Variants in AGBL1 observed in about 807,000 individuals in gnomAD.
The protein encoded by AGBL1 is cytosolic carboxypeptidase 4.
In AGBL1, 130 loss-of-function variants were observed where a neutral mutation model predicts 118.9. The ratio of observed to expected loss-of-function variants is 1.09; its 90% CI spans 0.95 to 1.26. AGBL1 has a LOEUF of 1.26. Among genes scored for constraint, AGBL1 ranks in the 50% most tolerant of loss-of-function variants. The probability of loss-of-function intolerance (pLI) is 0.00; values close to 1 mark genes in which losing one functional copy is unlikely to be tolerated. For synonymous variants in AGBL1, 555 were observed against 478.9 expected (o/e 1.16, Z -2.08); for missense variants, 1,584 against 1,298.1 (o/e 1.22, Z -3.38).
At chr15:86,828,964 T>G (rs2079069009) in intron 22 of AGBL1, among the ~76,000 whole-genome samples, 1 of 147,998 alleles carries the variant, frequency 6.8e-6, no homozygotes, top group Admixed American at 6.8e-5. Flanking sequence ...TATGGTATAA[T>G]AAATATTATA....
chr15:86,669,011 T>C (rs906814765), intron 21 of AGBL1, among the ~76,000 whole-genome samples: 1 of 152,136 alleles, frequency 6.6e-6, no homozygotes, highest in Admixed American at 6.6e-5. Context: ...TCCTGATTGG[T>C]AGTGTCCTCA....
intron 5 of AGBL1, among the ~76,000 whole-genome samples, chr15:86,174,673 A>G (rs2077458254): frequency 6.6e-6 from 1 of 150,784 alleles, no homozygotes; most frequent in Non-Finnish European, 1.5e-5. Flanking sequence ...TGTTTCTACT[A>G]TGCCTAATTT....
chr15:86,769,796 T>C (rs537026074), intron 22 of AGBL1, among the ~76,000 whole-genome samples: 4 of 151,986 alleles, frequency 2.6e-5, no homozygotes, highest in Admixed American at 6.6e-5. Flanking sequence ...AGAGACATGT[T>C]TGGGATGAGT....
rs1243791942 is a variant in AGBL1, at chr15:86,586,915, C to T, written c.2994+32378C>T. Among the ~76,000 whole-genome samples the T allele has an allele frequency of 1.2e-4, 18 of 151,954 alleles. 1 individual carries two copies. The highest frequency in any genetic ancestry group is 1.2e-3 in the Admixed American group (18 of 15,250). On this transcript the variant is annotated intron_variant, in intron 21 of 22. Transcript: ENST00000614907. Reference sequence around the variant, plus strand: ...TGTTAGAGTCTGGTTGAAAAGTAGGCCACAATATACTGGGTCAAAAAAGAC... The same window carrying T: ...TGTTAGAGTCTGGTTGAAAAGTAGGTCACAATATACTGGGTCAAAAAAGAC...
chr15:86,833,235 G>A (rs1003969173), intron 22 of AGBL1, among the ~76,000 whole-genome samples: 8 of 152,044 alleles, frequency 5.3e-5, no homozygotes, highest in African/African-American at 1.7e-4. Flanking sequence ...AAAAGAGTAT[G>A]TCCTTGGGCA....
intron 23 of AGBL1, among the ~76,000 whole-genome samples, chr15:86,929,796 C>A (rs2080583851): frequency 6.6e-6 from 1 of 152,190 alleles, no homozygotes; most frequent in Non-Finnish European, 1.5e-5. Flanking sequence ...CATTGACATT[C>A]ATCACTGGCA....
At chr15:86,135,554 A>G (rs962040111) in intron 1 of AGBL1, among the ~76,000 whole-genome samples, 1 of 152,226 alleles carries the variant, frequency 6.6e-6, no homozygotes, top group African/African-American at 2.4e-5. Flanking sequence ...CATCGAGAAC[A>G]GAATGACAAG....
At chr15:86,352,669 A>G (rs1179258642) in intron 17 of AGBL1, among the ~76,000 whole-genome samples, 10 of 151,924 alleles carry the variant, frequency 6.6e-5, no homozygotes, top group Admixed American at 6.6e-4. Context: ...TTTAGTAGAG[A>G]TGGGGTTTCA....
At chr15:87,008,261 G>A (rs896503400) in intron 24 of AGBL1, among the ~76,000 whole-genome samples, 3 of 152,176 alleles carry the variant, frequency 2.0e-5, no homozygotes, top group Non-Finnish European at 2.9e-5. Flanking sequence ...CCAGTGGGAG[G>A]TGATTGAATC....
chr15:86,452,441 A>C (rs918923808), intron 18 of AGBL1, among the ~76,000 whole-genome samples: 1 of 152,060 alleles, frequency 6.6e-6, no homozygotes. Context: ...CTGTAATGTA[A>C]TTTCCATTTA....
chr15:86,925,842 T>C (rs1411903861), intron 23 of AGBL1, among the ~76,000 whole-genome samples: 1 of 151,906 alleles, frequency 6.6e-6, no homozygotes, highest in African/African-American at 2.4e-5. Context: ...GCCATTCTCC[T>C]GTCTTAGCCT....
At chr15:86,712,612 A>G (rs981039592) in intron 22 of AGBL1, among the ~76,000 whole-genome samples, 1 of 152,196 alleles carries the variant, frequency 6.6e-6, no homozygotes, top group Non-Finnish European at 1.5e-5. Flanking sequence ...GAACATTTAC[A>G]TTTTGGATTC....
At chr15:86,179,162 T>C (rs183216635) in intron 5 of AGBL1, among the ~76,000 whole-genome samples, 121 of 152,306 alleles carry the variant, frequency 7.9e-4, no homozygotes, top group African/African-American at 2.7e-3. Flanking sequence ...CTAAGGCCAG[T>C]TCCTGGAATT....
intron 22 of AGBL1, among the ~76,000 whole-genome samples, chr15:86,886,668 G>A (rs754858189): frequency 2.0e-5 from 3 of 152,116 alleles, no homozygotes; most frequent in Non-Finnish European, 2.9e-5. Context: ...CATGATCATG[G>A]ATGTTTTTAT....
At chr15:86,189,155 G>T (rs751774344) in intron 5 of AGBL1, among the ~76,000 whole-genome samples, 1 of 152,204 alleles carries the variant, frequency 6.6e-6, no homozygotes, top group African/African-American at 2.4e-5. Flanking sequence ...AATTTCACAA[G>T]TTTAGATGAC....
chr15:86,156,322 G>T (rs536624428), intron 4 of AGBL1, among the ~76,000 whole-genome samples: 17 of 152,272 alleles, frequency 1.1e-4, no homozygotes, highest in African/African-American at 4.1e-4. Flanking sequence ...GCTGCTCCCT[G>T]TGTCCTCACA....
At chr15:86,393,426 T>C (rs1423769213) in intron 17 of AGBL1, among the ~76,000 whole-genome samples, 1 of 152,216 alleles carries the variant, frequency 6.6e-6, no homozygotes, top group African/African-American at 2.4e-5. Flanking sequence ...TTACTATTGT[T>C]GTCCAATATG....
intron 22 of AGBL1, among the ~76,000 whole-genome samples, chr15:86,790,988 A>C (rs940490018): frequency 2.0e-5 from 3 of 152,242 alleles, no homozygotes; most frequent in African/African-American, 7.2e-5. Context: ...AAGGGGAAAG[A>C]TCAATCTTTG....
chr15:86,525,260 A>G (rs2083248008), intron 19 of AGBL1, among the ~76,000 whole-genome samples: 2 of 152,220 alleles, frequency 1.3e-5, no homozygotes, highest in African/African-American at 4.8e-5. Flanking sequence ...ACACCGACAA[A>G]TGGAAAAATA....
Sources: allele counts gnomAD v4.1 joint callset (sites outside exome capture counted in the v4.1 genomes callset), GRCh38; gene constraint gnomAD v4.1.1; transcripts MANE v1.5; gene names NCBI Gene and HGNC (gene_info 2026-07-23, HGNC 2026-07-21).